Variants in PPP2R3C observed in about 807,000 individuals in gnomAD.
The protein encoded by PPP2R3C is serine/threonine-protein phosphatase 2A regulatory subunit B'' subunit gamma.
Under a neutral mutation model 63.7 loss-of-function variants are expected in PPP2R3C, and 47 were observed. That is an observed-to-expected ratio of 0.74 (90% CI 0.58 to 0.94). PPP2R3C has a LOEUF of 0.94. Among genes scored for constraint, PPP2R3C ranks in the 40% least tolerant of loss-of-function variants. The pLI, the probability that PPP2R3C is intolerant of heterozygous loss-of-function variation, is 0.00. For synonymous variants in PPP2R3C, 180 were observed against 177.4 expected (o/e 1.01, Z -0.12); for missense variants, 421 against 518.4 (o/e 0.81, Z 1.82).
At chr14:35,105,772 A>G (rs139956784) in intron 6 of PPP2R3C, among the ~76,000 whole-genome samples, 490 of 152,008 alleles carry the variant, frequency 3.2e-3, no homozygotes, top group Non-Finnish European at 5.3e-3. Flanking sequence ...GCTTTCCTCT[A>G]TTGAGCGCAG....
intron 2 of PPP2R3C, among the ~76,000 whole-genome samples, chr14:35,114,129 A>G (rs2046641069): frequency 6.6e-6 from 1 of 152,166 alleles, no homozygotes; most frequent in African/African-American, 2.4e-5. Flanking sequence ...CTGTTTAAGG[A>G]GAGTGTGAAA....
intron 2 of PPP2R3C, among the ~76,000 whole-genome samples, chr14:35,112,690 G>A (rs2046600224): frequency 1.3e-5 from 2 of 152,150 alleles, no homozygotes. Flanking sequence ...GGTCAAACAT[G>A]CCTCGTTATA....
chr14:35,106,716 G>A (rs890100349), intron 6 of PPP2R3C, among the ~76,000 whole-genome samples: 1 of 147,292 alleles, frequency 6.8e-6, no homozygotes, highest in Non-Finnish European at 1.5e-5. Context: ...TGCCCAGGCT[G>A]GAGTGCAATG....
At chr14:35,116,066 G>GTTTTA (rs1419925283) in intron 2 of PPP2R3C, among the ~76,000 whole-genome samples, 2 of 151,946 alleles carry the variant, frequency 1.3e-5, no homozygotes, top group African/African-American at 4.8e-5. Flanking sequence ...AAATCAGAAA[G>GTTTTA]AAAAAGCCCA....
intron 10 of PPP2R3C, among the ~76,000 whole-genome samples, chr14:35,094,385 T>G (rs1291655795): frequency 1.3e-5 from 2 of 152,128 alleles, no homozygotes; most frequent in East Asian, 3.9e-4. Context: ...CTCAGGCTAG[T>G]TTTGAACGAC....
chr14:35,086,087 C>T (rs891775636), intron 12 of PPP2R3C: 6 of 267,744 alleles, frequency 2.2e-5, no homozygotes, highest in Admixed American at 2.0e-4. Flanking sequence ...TAATTAGTGG[C>T]AGAACTATCT....
At chr14:35,117,187 G>A (rs565709771) in intron 1 of PPP2R3C, 15 of 455,300 alleles carry the variant, frequency 3.3e-5, no homozygotes. Flanking sequence ...CTAATGTAGA[G>A]AAAACAAACA....
intron 1 of PPP2R3C, among the ~76,000 whole-genome samples, chr14:35,119,570 G>C (rs976831884): frequency 6.6e-6 from 1 of 151,820 alleles, no homozygotes; most frequent in African/African-American, 2.4e-5. Context: ...TCAAACTCCT[G>C]GCCTCAAGCG....
intron 2 of PPP2R3C, among the ~76,000 whole-genome samples, chr14:35,111,555 TCTG>T (rs1259371889): frequency 6.6e-6 from 1 of 152,218 alleles, no homozygotes; most frequent in African/African-American, 2.4e-5. Context: ...GGACCAGAAT[TCTG>T]CTAAGATGCA....
At chr14:35,106,047 G>A (rs61060564) in intron 6 of PPP2R3C, among the ~76,000 whole-genome samples, 16,012 of 151,096 alleles carry the variant, frequency 0.11, 1,062 homozygotes, top group African/African-American at 0.19. Flanking sequence ...GGGTTTCACC[G>A]TGTTAGCCAG....
chr14:35,097,539 A>G (rs2138639042), intron 7 of PPP2R3C, among the ~76,000 whole-genome samples: 1 of 150,092 alleles, frequency 6.7e-6, no homozygotes, highest in African/African-American at 2.5e-5. Context: ...CTGGAGTGCA[A>G]TGGTGTGATT....
intron 1 of PPP2R3C, chr14:35,116,956 A>C (rs2046727087): frequency 8.3e-5 from 35 of 420,340 alleles, no homozygotes; most frequent in Admixed American, 9.9e-5. Flanking sequence ...ACCATTTCTC[A>C]TGCTCCCTCT....
intron 2 of PPP2R3C, among the ~76,000 whole-genome samples, chr14:35,110,913 A>G (rs547928153): frequency 6.6e-6 from 1 of 152,298 alleles, no homozygotes; most frequent in African/African-American, 2.4e-5. Flanking sequence ...AGAATGACAC[A>G]GAATTGGCTG....
At chr14:35,121,880 G>A (rs1191525891) in intron 1 of PPP2R3C, 22 bp downstream of exon 1, 2 of 1,614,000 alleles carry the variant, frequency 1.2e-6, no homozygotes, top group South Asian at 1.1e-5. Flanking sequence ...CATCCCAACG[G>A]GCTGCCCCTC....
chr14:35,095,315 G>T, intron 9 of PPP2R3C, 131 bp from the exon 10 acceptor site: 1 of 888,650 alleles, frequency 1.1e-6, no homozygotes, highest in Non-Finnish European at 1.7e-6. Context: ...TAGGGTAGTG[G>T]CCTATGTGTA....
Position 35,110,609 on chromosome 14 carries a change from G to T in PPP2R3C, c.207C>A (p.Val69=). ...FYYRLPAEDE[V]LLQKLREESR... The stretch of plus-strand genomic sequence containing the variant: ...ATTCCTCTCTTAATTTCTGTAGTAA[G>T]ACTTCATCTTCAGCAGGCAGCTGAA... Residue 69 remains valine (V), a synonymous_variant, in exon 3 of 13, where the codon GTC becomes GTA. Transcript: ENST00000261475. 1 of 1,610,534 alleles carries T rather than the reference G, an allele frequency of 6.2e-7. No individual in the cohort carries two copies. The highest frequency in any genetic ancestry group is 1.1e-5 in the South Asian group (1 of 90,710).
chr14:35,114,489 T>C (rs529998148), intron 2 of PPP2R3C, among the ~76,000 whole-genome samples: 22 of 152,316 alleles, frequency 1.4e-4, no homozygotes, highest in Admixed American at 6.5e-4. Flanking sequence ...AGCTAAATCA[T>C]TGTTTACTAT....
intron 10 of PPP2R3C, among the ~76,000 whole-genome samples, chr14:35,091,722 T>C (rs1446315831): frequency 6.6e-6 from 1 of 151,756 alleles, no homozygotes; most frequent in Admixed American, 6.6e-5. Context: ...AGTTCTTTTT[T>C]ATTTATTTAT....
At chr14:35,097,074 G>A (rs757622343) in intron 7 of PPP2R3C, among the ~76,000 whole-genome samples, 42 of 152,084 alleles carry the variant, frequency 2.8e-4, no homozygotes, top group Non-Finnish European at 5.1e-4. Context: ...AATTAGCTGG[G>A]TGTGGTGGAG....
Sources: gnomAD v4.1 joint callset for allele counts (sites outside exome capture counted in the v4.1 genomes callset) on GRCh38, gnomAD v4.1.1 for gene constraint, MANE v1.5 for transcripts, NCBI Gene and HGNC (gene_info 2026-07-23, HGNC 2026-07-21) for gene names.